RP1: variants seen among roughly 807,000 people sequenced by gnomAD.
RP1 encodes the protein RP1 axonemal microtubule associated, also known as oxygen-regulated protein 1.
In RP1, 16 loss-of-function variants were observed where a neutral mutation model predicts 14.8. The observed-to-expected ratio is 1.08, with a 90% confidence interval of 0.73 to 1.65. The LOEUF (loss-of-function observed/expected upper bound fraction) is 1.65, where lower values mean the gene tolerates loss of function less well. Among genes scored for constraint, RP1 ranks in the 40% most tolerant of loss-of-function variants. RP1 has a pLI of 0.00. For missense variants in RP1, 2,631 were observed against 2,535.0 expected, an observed-to-expected ratio of 1.04 and a Z score of -0.81; for synonymous variants, 876 against 883.6, an observed-to-expected ratio of 0.99 and a Z score of 0.15.
chr8:54,688,857 C>T (rs559563746), intron 12 of RP1, among the ~76,000 whole-genome samples: 40 of 152,128 alleles, frequency 2.6e-4, no homozygotes, highest in Admixed American at 1.8e-3. Context: ...AGAAAGACAT[C>T]GGTAACTTGA....
chr8:54,732,564 T>C (rs1808819526), intron 17 of RP1, among the ~76,000 whole-genome samples: 1 of 152,108 alleles, frequency 6.6e-6, no homozygotes, highest in African/African-American at 2.4e-5. Context: ...ATGAATAAGA[T>C]ATCCATAAGA....
At chr8:54,615,771 TCAAA>T (rs549668451), upstream of RP1, among the ~76,000 whole-genome samples, 65 of 152,256 alleles carry the variant, frequency 4.3e-4, no homozygotes, top group Non-Finnish European at 8.2e-4. Context: ...TGAGAAAATG[TCAAA>T]CAATTTCATT....
downstream of RP1, among the ~76,000 whole-genome samples, chr8:54,635,566 GTTTA>G (rs1485513251): frequency 1.3e-5 from 2 of 152,216 alleles, no homozygotes; most frequent in East Asian, 1.9e-4. Context: ...ATATTTATAA[GTTTA>G]TTTAATGTAG....
At chr8:54,673,998 C>A in intron 8 of RP1, 1 of 1,187,102 alleles carries the variant, frequency 8.4e-7, no homozygotes, top group Non-Finnish European at 1.2e-6. Context: ...CTGTTCAAAT[C>A]TAGAAAATAC....
intron 4 of RP1, among the ~76,000 whole-genome samples, chr8:54,651,164 A>G (rs1431093675): frequency 6.6e-6 from 1 of 152,168 alleles, no homozygotes; most frequent in Non-Finnish European, 1.5e-5. Flanking sequence ...ATTATAACGT[A>G]TAATCTTTTT....
chr8:54,640,794 T>C (rs12155683), intron 3 of RP1, among the ~76,000 whole-genome samples: 12,182 of 152,266 alleles, frequency 0.08, 684 homozygotes, highest in Non-Finnish European at 0.12. Flanking sequence ...CTGTATCTTA[T>C]ACTACTTAGA....
intron 1 of RP1, among the ~76,000 whole-genome samples, chr8:54,587,005 C>T (rs182903204): frequency 6.6e-6 from 1 of 152,358 alleles, no homozygotes. Flanking sequence ...CACTGTCCTG[C>T]ACCTACTGTC....
intron 1 of RP1, among the ~76,000 whole-genome samples, chr8:54,605,414 T>C (rs978624285): frequency 6.6e-6 from 1 of 152,230 alleles, no homozygotes; most frequent in Non-Finnish European, 1.5e-5. Context: ...GAGTTTGTTA[T>C]AATTTCTATT....
intron 1 of RP1, among the ~76,000 whole-genome samples, chr8:54,567,470 T>A (rs1341510104): frequency 1.3e-5 from 2 of 152,174 alleles, no homozygotes; most frequent in African/African-American, 4.8e-5. Flanking sequence ...AAAAGTAAAG[T>A]AAAAATATAG....
At chr8:54,646,696 A>G (rs975141635) in intron 3 of RP1, among the ~76,000 whole-genome samples, 9 of 152,170 alleles carry the variant, frequency 5.9e-5, no homozygotes, top group Non-Finnish European at 2.9e-5. Flanking sequence ...GTAAACGGAC[A>G]TCATATTTCA....
At chr8:54,755,907 A>C (rs533750002) in intron 21 of RP1, 1 of 809,428 alleles carries the variant, frequency 1.2e-6, no homozygotes, top group East Asian at 3.0e-5. Flanking sequence ...TCCTGACCTG[A>C]CTTCCTAATG....
chr8:54,792,152 A>T (rs1810479236), intron 24 of RP1, among the ~76,000 whole-genome samples: 1 of 152,054 alleles, frequency 6.6e-6, no homozygotes, highest in Non-Finnish European at 1.5e-5. Flanking sequence ...TATCAAGAAG[A>T]TAGAACAATT....
At chr8:54,755,023 A>C in intron 20 of RP1, 1 of 1,327,532 alleles carries the variant, frequency 7.5e-7, no homozygotes. Context: ...TTAGTTACAG[A>C]ATATTTTTCC....
intron 24 of RP1, among the ~76,000 whole-genome samples, chr8:54,821,962 A>G (rs1297185346): frequency 6.6e-6 from 1 of 152,232 alleles, no homozygotes; most frequent in Non-Finnish European, 1.5e-5. Flanking sequence ...GCTAAAGGAC[A>G]GAAGAGCAAA....
At chr8:54,726,534 G>T (rs1045741084) in intron 17 of RP1, 4 of 1,483,172 alleles carry the variant, frequency 2.7e-6, no homozygotes, top group Non-Finnish European at 3.6e-6. Context: ...ATTTCTTCCT[G>T]TGGCCATTGC....
chr8:54,590,599 G>C (rs28564208), intron 1 of RP1, among the ~76,000 whole-genome samples: 6,429 of 152,148 alleles, frequency 0.042, 449 homozygotes, highest in African/African-American at 0.14. Context: ...ACAAGACCTT[G>C]CTTGAAAAGC....
Position 54,629,891 on chromosome 8 carries a change from A to G in RP1, c.6009A>G (p.Lys2003=). Residue 2003 remains lysine (K), a synonymous_variant, in exon 4 of 4, where the codon AAA becomes AAG. Transcript: ENST00000220676. ...YFSNTFDLMG[K]RRKQKRINFL... Reference sequence around the variant, plus strand: ...GTAACACATTTGACTTGATGGGTAAAAGAAGAAAACAAAAAAGAATTAACT... The same window carrying G: ...GTAACACATTTGACTTGATGGGTAAGAGAAGAAAACAAAAAAGAATTAACT... 1 of 1,613,940 alleles carries G rather than the reference A, an allele frequency of 6.2e-7. No homozygotes were observed. Among genetic ancestry groups the G allele is most frequent in the Non-Finnish European group, 8.5e-7 (1 of 1,179,928 alleles).
At chr8:54,663,754 A>G (rs1368350566) in exon 7 of RP1, 1 of 1,535,084 alleles carries the variant, frequency 6.5e-7, no homozygotes, top group Non-Finnish European at 8.7e-7. Flanking sequence ...CTGGAACAGT[A>G]GCAAACGTCT....
At position 54,755,099 on chromosome 8, in the gene RP1, G is replaced by T. The variant is rs1473862683; in HGVS notation, c.2941+164G>T. On this transcript the variant is annotated intron_variant, in intron 20 of 22. Transcript: ENST00000636932. ...TTTAATGTCACAGCATGAGTTGCTGGTGGATCTTAGATTAAATGTAATCTC... is the reference window on the plus strand; with the variant it reads ...TTTAATGTCACAGCATGAGTTGCTGTTGGATCTTAGATTAAATGTAATCTC... 3.3e-5 allele frequency among the ~76,000 whole-genome samples: 5 copies of T among 152,118 alleles called. No homozygotes were observed. The South Asian group carries it at 1.0e-3, about 32-fold the overall frequency.
Sources: allele counts gnomAD v4.1 joint callset (sites outside exome capture counted in the v4.1 genomes callset), GRCh38; gene constraint gnomAD v4.1.1; transcripts MANE v1.5; gene names NCBI Gene and HGNC (gene_info 2026-07-23, HGNC 2026-07-21).